Variants in KAT6B observed in about 807,000 individuals in gnomAD.
KAT6B encodes histone acetyltransferase KAT6B.
In KAT6B, 10 loss-of-function variants were observed where a neutral mutation model predicts 187.5. The ratio of observed to expected loss-of-function variants is 0.05; its 90% CI spans 0.03 to 0.09. The LOEUF is 0.09. KAT6B is among the 10% of genes least tolerant of loss of function. The pLI is 1.00. For synonymous variants in KAT6B, 861 were observed against 926.8 expected (o/e 0.93, Z 1.29); for missense variants, 1,952 against 2,558.9 (o/e 0.76, Z 5.12).
At chr10:74,893,719 C>G (rs1409083989) in intron 3 of KAT6B, among the ~76,000 whole-genome samples, 1 of 152,174 alleles carries the variant, frequency 6.6e-6, no homozygotes, top group Admixed American at 6.5e-5. Context: ...ATCTGCCCAC[C>G]TCAGCCTCCC....
intron 4 of KAT6B, among the ~76,000 whole-genome samples, chr10:74,968,468 A>C (rs1481015963): frequency 1.3e-5 from 2 of 152,162 alleles, no homozygotes; most frequent in East Asian, 1.9e-4. Context: ...CAAAAAGCCA[A>C]ATCTCCTGGT....
chr10:74,856,233 G>A lies in KAT6B; in HGVS notation c.621+12755G>A, dbSNP rs190999609. Among the ~76,000 whole-genome samples the A allele has an allele frequency of 3.7e-4, 56 of 152,168 alleles. No individual in the cohort carries two copies. The East Asian group carries it at 9.3e-3, about 25-fold the overall frequency. ...CCCGAGCAGCTGGGACTACAGGTGC[G>A]TGCCACCATGCCCGGCTAACTTTTT... is the stretch of plus-strand genomic sequence containing the variant. On this transcript the variant is annotated intron_variant, in intron 3 of 17. Coordinates refer to ENST00000287239, the MANE Select transcript of KAT6B (RefSeq NM_012330.4).
intron 3 of KAT6B, among the ~76,000 whole-genome samples, chr10:74,861,731 A>G (rs914160761): frequency 2.6e-5 from 4 of 152,258 alleles, no homozygotes; most frequent in Admixed American, 1.3e-4. Context: ...TCTTATAAAC[A>G]TGAGCCTTTA....
At chr10:74,870,108 C>T (rs912045100) in intron 3 of KAT6B, among the ~76,000 whole-genome samples, 4 of 152,018 alleles carry the variant, frequency 2.6e-5, no homozygotes, top group African/African-American at 9.6e-5. Context: ...AGCGAGACCC[C>T]ACCTCTACAA....
At chr10:74,830,227 G>C (rs1426671201) in intron 1 of KAT6B, among the ~76,000 whole-genome samples, 1 of 151,960 alleles carries the variant, frequency 6.6e-6, no homozygotes, top group Non-Finnish European at 1.5e-5. Flanking sequence ...TCTGATACCT[G>C]TCTTCTCGCA....
chr10:74,842,754 G>A lies in KAT6B; in HGVS notation c.-104G>A, dbSNP rs1467005463. On this transcript the variant is annotated 5_prime_UTR_variant, in exon 3 of 18. Transcript: ENST00000287239. Reference sequence around the variant, plus strand: ...TGCTTAATACAGTCTGGAATACTCTGTCCATTTGTTGAATTGTAAATGACT... The same window carrying A: ...TGCTTAATACAGTCTGGAATACTCTATCCATTTGTTGAATTGTAAATGACT... The A allele has an allele frequency of 1.1e-5, 14 of 1,246,692 alleles. No homozygotes were observed. In the Admixed American group the frequency reaches 2.2e-4, roughly 19 times the overall value. The allele number at this position is 1,246,692 out of a possible 1,614,324, so 77.2% of individuals were successfully genotyped here.
intron 11 of KAT6B, chr10:74,983,303 A>C (rs1842628398): frequency 6.5e-6 from 1 of 152,956 alleles, no homozygotes; most frequent in South Asian, 2.1e-4. Context: ...AGTTGTGCCA[A>C]CCAAAAATGT....
chr10:74,917,237 T>C (rs1847756036), intron 3 of KAT6B, among the ~76,000 whole-genome samples: 1 of 152,210 alleles, frequency 6.6e-6, no homozygotes, highest in East Asian at 1.9e-4. Context: ...TAGAGTTAAT[T>C]ATATATAACC....
chr10:74,900,466 G>A (rs572518343), intron 3 of KAT6B, among the ~76,000 whole-genome samples: 118 of 152,280 alleles, frequency 7.7e-4, no homozygotes, highest in African/African-American at 2.7e-3. Context: ...CTGTCTTGTT[G>A]GGGGTGGGAA....
At chr10:74,852,820 A>G (rs1842561641) in intron 3 of KAT6B, among the ~76,000 whole-genome samples, 1 of 152,192 alleles carries the variant, frequency 6.6e-6, no homozygotes, top group South Asian at 2.1e-4. Flanking sequence ...TACTGTATGT[A>G]ACACATGATC....
chr10:75,014,306 C>T (rs1273821073), intron 13 of KAT6B, among the ~76,000 whole-genome samples: 1 of 152,032 alleles, frequency 6.6e-6, no homozygotes. Flanking sequence ...GAGACCCTGT[C>T]TTCTTGAAAA....
At chr10:74,965,559 A>G (rs1488450846) in intron 4 of KAT6B, among the ~76,000 whole-genome samples, 1 of 152,202 alleles carries the variant, frequency 6.6e-6, no homozygotes, top group African/African-American at 2.4e-5. Flanking sequence ...AGTCGTTATT[A>G]GTTTTCCATT....
chr10:74,843,884 A>AT lies in KAT6B; in HGVS notation c.621+413dup, dbSNP rs1348525487. ...ACAGACTTCTTATTTTACTATTATTATTTTTTTGAGACAGAATCTAGCTCT... is the reference window on the plus strand; with the variant it reads ...ACAGACTTCTTATTTTACTATTATTATTTTTTTTGAGACAGAATCTAGCTCT... On this transcript the variant is annotated intron_variant, in intron 3 of 17. Transcript: ENST00000287239. Among the ~76,000 whole-genome samples the AT allele has an allele frequency of 3.9e-5, 6 of 152,094 alleles. No individual in the cohort carries two copies. The East Asian group carries it at 7.7e-4, about 20-fold the overall frequency.
chr10:74,848,833 T>C (rs1478564959), intron 3 of KAT6B, among the ~76,000 whole-genome samples: 1 of 152,244 alleles, frequency 6.6e-6, no homozygotes, highest in Non-Finnish European at 1.5e-5. Context: ...TAATTTCCTA[T>C]ATATAAGACT....
intron 17 of KAT6B, chr10:75,025,510 C>A: frequency 2.4e-6 from 1 of 415,858 alleles, no homozygotes; most frequent in Non-Finnish European, 4.4e-6. Flanking sequence ...TGGCTTATCC[C>A]CAAAAACTTT....
intron 3 of KAT6B, among the ~76,000 whole-genome samples, chr10:74,913,506 CTG>C (rs1278034505): frequency 7.2e-5 from 11 of 152,214 alleles, no homozygotes; most frequent in African/African-American, 2.4e-4. Flanking sequence ...CTGCCGTTGA[CTG>C]TGGATAACAA....
intron 4 of KAT6B, 143 bp from the exon 5 acceptor site, chr10:74,969,517 G>A (rs1398768667): frequency 1.2e-5 from 8 of 671,914 alleles, no homozygotes; most frequent in South Asian, 4.8e-5. Flanking sequence ...TCTGTAATTC[G>A]GATTCTCTGA....
At chr10:74,830,892 A>G (rs1405517489) in intron 1 of KAT6B, among the ~76,000 whole-genome samples, 1 of 141,196 alleles carries the variant, frequency 7.1e-6, no homozygotes, top group Non-Finnish European at 1.5e-5. Flanking sequence ...GGTTCAAGCG[A>G]TTCTCCTGCC....
At position 74,914,914 on chromosome 10, in the gene KAT6B, A is replaced by G. The variant is rs572393618; in HGVS notation, c.622-45056A>G. Among the ~76,000 whole-genome samples, 4 of 151,834 alleles carry G rather than the reference A, an allele frequency of 2.6e-5. No homozygotes were observed. The East Asian group carries it at 7.7e-4, about 29-fold the overall frequency. On this transcript the variant is annotated intron_variant, in intron 3 of 17. Coordinates refer to ENST00000287239, the MANE Select transcript of KAT6B (RefSeq NM_012330.4). ...TGAGACCAGTCTGGGCAACACAGGC[A>G]CTCCATCTCTTTAAAATAAAAAATA...
Sources: gnomAD v4.1 joint callset for allele counts (sites outside exome capture counted in the v4.1 genomes callset) on GRCh38, gnomAD v4.1.1 for gene constraint, MANE v1.5 for transcripts, NCBI Gene and HGNC (gene_info 2026-07-23, HGNC 2026-07-21) for gene names.